The following SMIM17 variants were observed in gnomAD, a reference collection of about 807,000 sequenced individuals.
SMIM17 encodes the protein small integral membrane protein 17.
Under a neutral mutation model 12.2 loss-of-function variants are expected in SMIM17, and 10 were observed. The ratio of observed to expected loss-of-function variants is 0.82; its 90% CI spans 0.50 to 1.39. SMIM17 has a LOEUF of 1.39. Among genes scored for constraint, SMIM17 ranks in the 40% most tolerant of loss-of-function variants. The pLI is 0.00. For synonymous variants in SMIM17, 50 were observed against 44.1 expected, an observed-to-expected ratio of 1.13 and a Z score of -0.53; for missense variants, 136 against 118.2, an observed-to-expected ratio of 1.15 and a Z score of -0.70.
intron 3 of SMIM17, among the ~76,000 whole-genome samples, chr19:56,648,310 C>G (rs978252801): frequency 2.7e-5 from 4 of 150,182 alleles, no homozygotes; most frequent in African/African-American, 9.8e-5. Flanking sequence ...GAACATCCAC[C>G]AACTATTCAT....
intron 3 of SMIM17, among the ~76,000 whole-genome samples, chr19:56,652,671 AAGAG>A (rs112526874): frequency 6.7e-6 from 1 of 150,270 alleles, no homozygotes; most frequent in Non-Finnish European, 1.5e-5. Context: ...AGAAAAAAAA[AAGAG>A]AGAGAGAGAG....
intron 3 of SMIM17, among the ~76,000 whole-genome samples, chr19:56,648,327 A>G (rs547623532): frequency 7.2e-6 from 1 of 138,942 alleles, no homozygotes; most frequent in African/African-American, 2.8e-5. Flanking sequence ...TCATCTGTCC[A>G]CTCATTCATT....
Position 56,655,255 on chromosome 19 carries a change from A to C in SMIM17, c.*42A>C. On this transcript the variant is annotated 3_prime_UTR_variant, in exon 4 of 4. Transcript: ENST00000598409. ...TGTTTTAAAAGTTTAATTTAATGAAATAGATGCCCTATGTCATGTTAAGGA... is the reference window on the plus strand; with the variant it reads ...TGTTTTAAAAGTTTAATTTAATGAACTAGATGCCCTATGTCATGTTAAGGA... 1.4e-6 allele frequency: 1 copy of C among 691,884 alleles called. No homozygotes were observed. The allele number at this position is 691,884 out of a possible 1,614,324, so 42.9% of individuals were successfully genotyped here.
In SMIM17 at chr19:56,645,853, C is replaced by G. The variant is rs1230803653; in HGVS notation, c.169+17C>G. ...ATGAGAAAGGTGAGAGGCAGGGGTC[C>G]TTTGGGAGGTGAGTGGGTGGAGAGG... On this transcript the variant is annotated intron_variant, in intron 2 of 3. Coordinates refer to ENST00000598409, the MANE Select transcript of SMIM17 (RefSeq NM_001193628.2). The G allele has an allele frequency of 3.3e-6, 5 of 1,520,946 alleles. No homozygotes were observed. The Admixed American group carries it at 8.2e-5, about 25-fold the overall frequency. The allele number at this position is 1,520,946 out of a possible 1,614,324, so 94.2% of individuals were successfully genotyped here. A position where few individuals can be genotyped will look rare whatever the true frequency, so the allele number is the denominator to read the frequency against.
intron 1 of SMIM17, among the ~76,000 whole-genome samples, chr19:56,643,786 GT>G (rs757306576): frequency 2.0e-5 from 3 of 152,200 alleles, no homozygotes; most frequent in Non-Finnish European, 2.9e-5. Flanking sequence ...AAACCTAATA[GT>G]ATCTGTAGCG....
chr19:56,653,291 T>C (rs888894458), intron 3 of SMIM17, among the ~76,000 whole-genome samples: 5 of 152,276 alleles, frequency 3.3e-5, no homozygotes, highest in African/African-American at 1.2e-4. Context: ...AAACTACATA[T>C]ATATTTTTTA....
In SMIM17 at chr19:56,645,575, G is replaced by A; in HGVS notation, c.-93G>A. The A allele has an allele frequency of 8.0e-7, 1 of 1,247,636 alleles. No homozygotes were observed. The highest frequency in any genetic ancestry group is 1.7e-5 in the South Asian group (1 of 60,032). 77.3% of individuals were successfully genotyped at this position (1,247,636 alleles called of 1,614,324 possible). Reference sequence around the variant, plus strand: ...TGATGAAATGTCCATCAGTCCTCAGGTTCTGAATCTTGTGCCTGGAGAACC... The same window carrying A: ...TGATGAAATGTCCATCAGTCCTCAGATTCTGAATCTTGTGCCTGGAGAACC... On this transcript the variant is annotated 5_prime_UTR_variant, in exon 2 of 4. Transcript: ENST00000598409.
At position 56,650,321 on chromosome 19, in the gene SMIM17, A is replaced by C. The variant is rs558528068; in HGVS notation, c.246+2687A>C. Among the ~76,000 whole-genome samples the C allele has an allele frequency of 1.5e-4, 23 of 152,180 alleles. No individual in the cohort carries two copies. In the South Asian group the frequency reaches 4.6e-3, roughly 30 times the overall value. On this transcript the variant is annotated intron_variant, in intron 3 of 3. Transcript: ENST00000598409. Reference sequence around the variant, plus strand: ...CCTGAGTAGCTAGGACTACAGGCGCACACCACCATGCCCAGCTAATTCTTG... The same window carrying C: ...CCTGAGTAGCTAGGACTACAGGCGCCCACCACCATGCCCAGCTAATTCTTG...
chr19:56,655,960 T>TG lies in SMIM17; in HGVS notation c.*747_*748insG, dbSNP rs1387407336. On this transcript the variant is annotated 3_prime_UTR_variant, in exon 4 of 4. Transcript: ENST00000598409. ...GCGAATTACAGAGGTTTTTGTTTTTTTTTTTTTTTGAGACCGAGTCTCACT... is the reference window on the plus strand; with the variant it reads ...GCGAATTACAGAGGTTTTTGTTTTTTGTTTTTTTTTGAGACCGAGTCTCACT... Among the ~76,000 whole-genome samples the TG allele has an allele frequency of 6.6e-6, 1 of 151,116 alleles. No individual in the cohort carries two copies. The highest frequency in any genetic ancestry group is 1.9e-4 in the East Asian group (1 of 5,180).
Position 56,656,512 on chromosome 19 carries a change from T to C in SMIM17, c.*1299T>C, listed in dbSNP as rs1448250603. 6.6e-6 allele frequency among the ~76,000 whole-genome samples: 1 copy of C among 152,218 alleles called. No individual in the cohort carries two copies. The highest frequency in any genetic ancestry group is 1.9e-4 in the East Asian group (1 of 5,200). On this transcript the variant is annotated 3_prime_UTR_variant, in exon 4 of 4. Transcript: ENST00000598409. ...TAATTTGTTTTTCTTTGATATGTAT[T>C]GCATTTATTTTTTATTGTTTTTCTT... is the stretch of plus-strand genomic sequence containing the variant.
intron 2 of SMIM17, 130 bp from the exon 3 acceptor site, chr19:56,647,420 TGAGAGAGA>T (rs72370552): frequency 7.1e-4 from 388 of 548,406 alleles, no homozygotes; most frequent in Middle Eastern, 2.0e-3. Flanking sequence ...AGAAGGAGGG[TGAGAGAGA>T]GAGAGAGAGA....
chr19:56,655,035 T>A, intron 3 of SMIM17, 68 bp from the exon 4 acceptor site: 1 of 589,532 alleles, frequency 1.7e-6, no homozygotes, highest in Non-Finnish European at 3.1e-6. Context: ...ATAAGTCTAT[T>A]TTCCTGCAAG....
chr19:56,653,538 G>A (rs943109533), intron 3 of SMIM17, among the ~76,000 whole-genome samples: 2 of 152,164 alleles, frequency 1.3e-5, no homozygotes, highest in African/African-American at 2.4e-5. Flanking sequence ...TACAATGAGC[G>A]TTTGTTCAGT....
In SMIM17 at chr19:56,655,364, T is replaced by C. The variant is rs574027005; in HGVS notation, c.*151T>C. 6.0e-5 allele frequency: 30 copies of C among 502,034 alleles called. No homozygotes were observed. The highest frequency in any genetic ancestry group is 1.1e-5 in the Non-Finnish European group (3 of 283,382). The allele number at this position is 502,034 out of a possible 1,614,324, so 31.1% of individuals were successfully genotyped here. A position where few individuals can be genotyped will look rare whatever the true frequency, so the allele number is the denominator to read the frequency against. On this transcript the variant is annotated 3_prime_UTR_variant, in exon 4 of 4. Coordinates refer to ENST00000598409, the MANE Select transcript of SMIM17 (RefSeq NM_001193628.2). ...TCCTTTGAGATGATTTTTAAAAAATTTTTGGTGTGAGTTTTCACATACTTT... is the reference window on the plus strand; with the variant it reads ...TCCTTTGAGATGATTTTTAAAAAATCTTTGGTGTGAGTTTTCACATACTTT...
chr19:56,645,630 A>G lies in SMIM17; in HGVS notation c.-38A>G. 2 of 1,444,992 alleles carry G rather than the reference A, an allele frequency of 1.4e-6. No homozygotes were observed. The highest frequency in any genetic ancestry group is 2.6e-5 in the East Asian group (1 of 38,858). 89.5% of individuals were successfully genotyped at this position (1,444,992 alleles called of 1,614,324 possible). On this transcript the variant is annotated 5_prime_UTR_variant, in exon 2 of 4. Transcript: ENST00000598409. ...AGGACCCTGGAGCAGGAGGAGAAAG[A>G]GAAGCTTGTCTCAGAAGCTCCACCT...
At chr19:56,651,900 T>C (rs2045111963) in intron 3 of SMIM17, among the ~76,000 whole-genome samples, 1 of 151,758 alleles carries the variant, frequency 6.6e-6, no homozygotes, top group African/African-American at 2.4e-5. Flanking sequence ...GGTCATGAGT[T>C]CGAGATCAGT....
intron 1 of SMIM17, among the ~76,000 whole-genome samples, chr19:56,644,977 C>G (rs928881773): frequency 2.6e-5 from 4 of 152,172 alleles, no homozygotes; most frequent in African/African-American, 9.7e-5. Flanking sequence ...TCCCAAAGTG[C>G]TAGGATTACA....
intron 3 of SMIM17, 129 bp downstream of exon 3, chr19:56,647,763 A>G (rs2045075702): frequency 1.3e-6 from 1 of 761,740 alleles, no homozygotes; most frequent in Admixed American, 2.3e-5. Flanking sequence ...CTTGTGTCTG[A>G]TCTCTATGGT....
At chr19:56,654,125 G>C (rs1048284630) in intron 3 of SMIM17, among the ~76,000 whole-genome samples, 3 of 152,150 alleles carry the variant, frequency 2.0e-5, no homozygotes, top group African/African-American at 7.2e-5. Flanking sequence ...CAGGCACTGG[G>C]AATACAGTAG....
Sources: allele counts gnomAD v4.1 joint callset (sites outside exome capture counted in the v4.1 genomes callset), GRCh38; gene constraint gnomAD v4.1.1; transcripts MANE v1.5; gene names NCBI Gene and HGNC (gene_info 2026-07-23, HGNC 2026-07-21).